TBC1D22A: variants seen among roughly 807,000 people sequenced by gnomAD.
TBC1D22A encodes the protein putative GTPase activator.
Under a neutral mutation model 60.2 loss-of-function variants are expected in TBC1D22A, and 38 were observed. The ratio of observed to expected loss-of-function variants is 0.63; its 90% CI spans 0.49 to 0.83. The LOEUF is 0.83. TBC1D22A is among the 40% of genes least tolerant of loss of function. The pLI is 0.00. For synonymous variants in TBC1D22A, 302 were observed against 281.7 expected, an observed-to-expected ratio of 1.07 and a Z score of -0.72; for missense variants, 628 against 701.0, an observed-to-expected ratio of 0.90 and a Z score of 1.18.
chr22:46,913,204 G>A (rs1371436667), intron 8 of TBC1D22A: 4 of 525,890 alleles, frequency 7.6e-6, no homozygotes, highest in Middle Eastern at 3.4e-4. Context: ...ATGCGTCTAT[G>A]GATAAAACAT....
intron 1 of TBC1D22A, among the ~76,000 whole-genome samples, chr22:46,789,843 G>A (rs1320091073): frequency 6.6e-6 from 1 of 152,146 alleles, no homozygotes; most frequent in Non-Finnish European, 1.5e-5. Context: ...TAGGTGGATT[G>A]AAAACTTAAG....
intron 8 of TBC1D22A, among the ~76,000 whole-genome samples, chr22:46,965,249 AG>A (rs2073741859): frequency 6.6e-6 from 1 of 152,206 alleles, no homozygotes; most frequent in Non-Finnish European, 1.5e-5. Flanking sequence ...GTAAAGTGCA[AG>A]GACACCTTCT....
At chr22:47,096,850 A>C (rs1335595510) in intron 11 of TBC1D22A, among the ~76,000 whole-genome samples, 1 of 152,130 alleles carries the variant, frequency 6.6e-6, no homozygotes, top group Admixed American at 6.5e-5. Flanking sequence ...TAAATAAATA[A>C]AGTATATCCT....
At position 47,172,058 on chromosome 22, in the gene TBC1D22A, TACCCAGCACTCCCAGTGA is replaced by T. The variant is rs1569482631; in HGVS notation, c.1426-1439_1426-1422del. ...GCCTACCCAGCACTCCCAGTGAGCC[TACCCAGCACTCCCAGTGA>T]GCCTACCCAGCACTCCCAGTGAGCT... On this transcript the variant is annotated intron_variant, in intron 12 of 12. Transcript: ENST00000337137. 9.3e-5 allele frequency among the ~76,000 whole-genome samples: 10 copies of T among 107,968 alleles called. No individual in the cohort carries two copies. The East Asian group carries it at 2.6e-3, about 28-fold the overall frequency. The allele number at this position is 107,968 out of a possible 152,430, so 70.8% of individuals were successfully genotyped here.
intron 11 of TBC1D22A, among the ~76,000 whole-genome samples, chr22:47,100,163 T>G (rs1173320115): frequency 6.6e-6 from 1 of 152,146 alleles, no homozygotes; most frequent in East Asian, 1.9e-4. Flanking sequence ...TCCTGGCTTG[T>G]TCTTAGTACT....
intron 4 of TBC1D22A, among the ~76,000 whole-genome samples, chr22:46,864,295 C>T (rs1228923333): frequency 6.6e-6 from 1 of 152,226 alleles, no homozygotes; most frequent in Admixed American, 6.5e-5. Context: ...CTGTGGCTCT[C>T]TCATGGTCCT....
chr22:46,823,132 G>T (rs1225517435), intron 4 of TBC1D22A, among the ~76,000 whole-genome samples: 1 of 152,140 alleles, frequency 6.6e-6, no homozygotes, highest in Non-Finnish European at 1.5e-5. Flanking sequence ...TGTCTTCTTT[G>T]AAGAAATACA....
intron 4 of TBC1D22A, among the ~76,000 whole-genome samples, chr22:46,801,926 C>T (rs1452490164): frequency 1.3e-5 from 2 of 152,236 alleles, no homozygotes; most frequent in African/African-American, 4.8e-5. Flanking sequence ...ACCTTGGCAG[C>T]ACTAATACGA....
intron 8 of TBC1D22A, among the ~76,000 whole-genome samples, chr22:46,934,916 C>A (rs5767422): frequency 1.3e-5 from 2 of 152,164 alleles, no homozygotes; most frequent in Non-Finnish European, 2.9e-5. Context: ...GCCAGCTTGC[C>A]TGGTGAAGGG....
chr22:47,032,785 T>C (rs1397206847), intron 10 of TBC1D22A, among the ~76,000 whole-genome samples: 2 of 152,220 alleles, frequency 1.3e-5, no homozygotes, highest in African/African-American at 4.8e-5. Context: ...TTCACGCCAG[T>C]GCAAGGCGGC....
intron 8 of TBC1D22A, among the ~76,000 whole-genome samples, chr22:46,931,565 A>G (rs541104935): frequency 6.6e-6 from 1 of 152,310 alleles, no homozygotes; most frequent in South Asian, 2.1e-4. Context: ...GACTAAACTC[A>G]CCCAAGTCGG....
intron 8 of TBC1D22A, among the ~76,000 whole-genome samples, chr22:46,918,553 G>A (rs2070533742): frequency 2.0e-5 from 3 of 152,196 alleles, no homozygotes; most frequent in Admixed American, 6.5e-5. Context: ...TAAGACAAAG[G>A]CCAGGCCTGA....
At chr22:46,978,097 G>A (rs2074375390) in intron 9 of TBC1D22A, among the ~76,000 whole-genome samples, 1 of 152,232 alleles carries the variant, frequency 6.6e-6, no homozygotes, top group Non-Finnish European at 1.5e-5. Context: ...CTCATGGCTA[G>A]GAGTGCAGGC....
At chr22:47,115,425 A>C (rs1426499809) in intron 12 of TBC1D22A, among the ~76,000 whole-genome samples, 2 of 113,802 alleles carry the variant, frequency 1.8e-5, no homozygotes, top group East Asian at 5.9e-4. Context: ...CCCTTTAGCC[A>C]CTGAGATTCA....
intron 4 of TBC1D22A, among the ~76,000 whole-genome samples, chr22:46,817,765 A>G (rs969550415): frequency 2.6e-5 from 4 of 152,222 alleles, no homozygotes; most frequent in African/African-American, 9.7e-5. Context: ...TCTTTTGGGT[A>G]TATACCCAGT....
At chr22:47,032,445 G>A (rs2062508280) in intron 10 of TBC1D22A, among the ~76,000 whole-genome samples, 1 of 152,222 alleles carries the variant, frequency 6.6e-6, no homozygotes, top group African/African-American at 2.4e-5. Context: ...TGAGTGCTTG[G>A]TTGAGAGGCC....
At chr22:47,043,056 C>A (rs131891) in intron 11 of TBC1D22A, among the ~76,000 whole-genome samples, 97,139 of 151,568 alleles carry the variant, frequency 0.64, 32,088 homozygotes, top group East Asian at 0.92. Context: ...TGTTCTCAGC[C>A]CTCAGGCATA....
chr22:46,861,371 A>G (rs946850666), intron 4 of TBC1D22A, among the ~76,000 whole-genome samples: 9 of 152,190 alleles, frequency 5.9e-5, no homozygotes, highest in African/African-American at 2.2e-4. Context: ...CAGGTTTTCA[A>G]AATCTAACAA....
chr22:47,127,094 T>C (rs1412700918), intron 12 of TBC1D22A, among the ~76,000 whole-genome samples: 1 of 152,130 alleles, frequency 6.6e-6, no homozygotes, highest in African/African-American at 2.4e-5. Context: ...AATTCTGGTC[T>C]TTTTTGATCC....
Sources: gnomAD v4.1 joint callset for allele counts (sites outside exome capture counted in the v4.1 genomes callset) on GRCh38, gnomAD v4.1.1 for gene constraint, MANE v1.5 for transcripts, NCBI Gene and HGNC (gene_info 2026-07-23, HGNC 2026-07-21) for gene names.